The following ABHD17C variants were observed in gnomAD, a reference collection of about 807,000 sequenced individuals.
The protein encoded by ABHD17C is alpha/beta hydrolase domain-containing protein 17C.
In ABHD17C, 11 loss-of-function variants were observed where a neutral mutation model predicts 27.9. That is an observed-to-expected ratio of 0.39 (90% CI 0.25 to 0.65). The LOEUF is 0.65. Ranked by LOEUF, ABHD17C falls within the 30% of genes least tolerant of loss-of-function variation. The probability of loss-of-function intolerance (pLI) is 0.45; values close to 1 mark genes in which losing one functional copy is unlikely to be tolerated. For missense variants in ABHD17C, 280 were observed against 470.2 expected (o/e 0.60, Z 3.74); for synonymous variants, 233 against 209.1 (o/e 1.11, Z -0.98).
chr15:80,742,264 C>T (rs1042528235), intron 1 of ABHD17C, among the ~76,000 whole-genome samples: 4 of 152,100 alleles, frequency 2.6e-5, no homozygotes, highest in Non-Finnish European at 5.9e-5. Flanking sequence ...CATCCCAGTC[C>T]AAAGGCCTGA....
intron 2 of ABHD17C, among the ~76,000 whole-genome samples, chr15:80,751,270 G>C (rs1162916631): frequency 6.6e-6 from 1 of 152,010 alleles, no homozygotes; most frequent in Non-Finnish European, 1.5e-5. Context: ...TGAGGCATAA[G>C]AATTGCTTGA....
chr15:80,731,486 A>T (rs1403982473), intron 1 of ABHD17C, among the ~76,000 whole-genome samples: 1 of 152,202 alleles, frequency 6.6e-6, no homozygotes, highest in Non-Finnish European at 1.5e-5. Flanking sequence ...ATGTTTAAAT[A>T]AAAGAGTTCT....
intron 1 of ABHD17C, among the ~76,000 whole-genome samples, chr15:80,748,010 G>C (rs1415601428): frequency 6.6e-6 from 1 of 152,150 alleles, no homozygotes; most frequent in Non-Finnish European, 1.5e-5. Flanking sequence ...GTGCTTTCCT[G>C]CTGCTGCATT....
intron 1 of ABHD17C, among the ~76,000 whole-genome samples, chr15:80,705,679 T>G (rs1006899116): frequency 2.6e-5 from 4 of 152,170 alleles, no homozygotes; most frequent in Admixed American, 6.5e-5. Flanking sequence ...TGTGTATAGA[T>G]ACAAATACCC....
At chr15:80,731,884 G>T (rs1011723413) in intron 1 of ABHD17C, among the ~76,000 whole-genome samples, 4 of 152,108 alleles carry the variant, frequency 2.6e-5, no homozygotes, top group Non-Finnish European at 4.4e-5. Context: ...GAGACATAAA[G>T]GTTGCCATTT....
intron 1 of ABHD17C, among the ~76,000 whole-genome samples, chr15:80,698,658 C>T (rs1296264503): frequency 1.3e-5 from 2 of 152,258 alleles, no homozygotes; most frequent in Non-Finnish European, 2.9e-5. Context: ...CCACTTTCCT[C>T]TTGCTGTTCA....
rs1894483417 is a variant in ABHD17C, at chr15:80,695,624, C to T, written c.195C>T (p.Ala65=). The part of the protein sequence containing the change: ...SAPAPAQATA[A]AAAAQPAPQQ... ...CGGCCCCGGCCCAGGCTACCGCCGC[C>T]GCCGCCGCGGCCCAGCCGGCACCGC... Residue 65 remains alanine (A), a synonymous_variant, in exon 1 of 3, where the codon GCC becomes GCT. Transcript: ENST00000258884. This position sits in a 1 kb window ranked among gnomAD's most constrained non-coding sequence, Gnocchi z 4.3. The T allele has an allele frequency of 5.0e-6, 6 of 1,191,800 alleles. No individual in the cohort carries two copies. The highest frequency in any genetic ancestry group is 6.2e-6 in the Non-Finnish European group (6 of 964,842). 73.8% of individuals were successfully genotyped at this position (1,191,800 alleles called of 1,614,324 possible).
In ABHD17C at chr15:80,695,566, C is replaced by A; in HGVS notation, c.137C>A (p.Ala46Glu). Residue 46 changes from alanine to glutamate, a missense_variant, in exon 1 of 3, where the codon GCG becomes GAG. Ala to Glu is a moderately radical substitution (Grantham distance 107). Coordinates refer to ENST00000258884, the MANE Select transcript of ABHD17C (RefSeq NM_021214.2). The surrounding 1 kb of genome is among the most constrained non-coding windows in gnomAD (Gnocchi z 4.3). ...LPPEPTYTVL[A>E]PEQRGAGASA... is the part of the protein sequence containing the mutation. Reference sequence around the variant, plus strand: ...CCCGAGCCCACCTACACGGTGCTGGCGCCGGAGCAGCGCGGCGCCGGCGCG... The same window carrying A: ...CCCGAGCCCACCTACACGGTGCTGGAGCCGGAGCAGCGCGGCGCCGGCGCG... 1.6e-6 allele frequency: 2 copies of A among 1,230,040 alleles called. No individual in the cohort carries two copies. Among genetic ancestry groups the A allele is most frequent in the South Asian group, 1.7e-5 (1 of 58,194 alleles). 76.2% of individuals were successfully genotyped at this position (1,230,040 alleles called of 1,614,324 possible). A position where few individuals can be genotyped will look rare whatever the true frequency, so the allele number is the denominator to read the frequency against.
At chr15:80,704,132 G>T (rs1894610762) in intron 1 of ABHD17C, among the ~76,000 whole-genome samples, 1 of 152,114 alleles carries the variant, frequency 6.6e-6, no homozygotes, top group Non-Finnish European at 1.5e-5. Flanking sequence ...AAGATCTCTG[G>T]TGGCCAGGAA....
rs1726392612 is a variant in ABHD17C, at chr15:80,695,835, C to G, written c.406C>G (p.Leu136Val). Reference sequence around the variant, plus strand: ...CGCGCCCTCCAGCCGCTACACGCTGCTCTTCTCGCACGGCAACGCCGTGGA... The same window carrying G: ...CGCGCCCTCCAGCCGCTACACGCTGGTCTTCTCGCACGGCAACGCCGTGGA... The part of the protein sequence containing the change: ...RCAPSSRYTL[L>V]FSHGNAVDLG... Residue 136 changes from leucine (L) to valine (V), a missense_variant, in exon 1 of 3, where the codon CTC becomes GTC. Leu to Val is a conservative substitution (Grantham distance 32). Coordinates refer to ENST00000258884, the MANE Select transcript of ABHD17C (RefSeq NM_021214.2). The surrounding 1 kb of genome is among the most constrained non-coding windows in gnomAD (Gnocchi z 4.3). 1 of 1,588,614 alleles carries G rather than the reference C, an allele frequency of 6.3e-7. No individual in the cohort carries two copies. Among genetic ancestry groups the G allele is most frequent in the African/African-American group, 1.3e-5 (1 of 74,750 alleles).
intron 1 of ABHD17C, among the ~76,000 whole-genome samples, chr15:80,723,716 C>G (rs950246817): frequency 1.3e-5 from 2 of 152,126 alleles, no homozygotes; most frequent in African/African-American, 2.4e-5. Context: ...GTCACATTGC[C>G]ACAGGTTTCC....
intron 1 of ABHD17C, among the ~76,000 whole-genome samples, chr15:80,698,714 A>G (rs899607081): frequency 7.2e-5 from 11 of 152,058 alleles, no homozygotes; most frequent in Non-Finnish European, 4.4e-5. Flanking sequence ...TTCTTATGCT[A>G]TTCTCTCTTC....
chr15:80,728,042 T>A (rs1287477212), intron 1 of ABHD17C, among the ~76,000 whole-genome samples: 1 of 152,270 alleles, frequency 6.6e-6, no homozygotes, highest in Admixed American at 6.5e-5. Flanking sequence ...CTAAGAGCGT[T>A]GTGGTCTTGG....
intron 1 of ABHD17C, among the ~76,000 whole-genome samples, chr15:80,744,616 G>A (rs1895257958): frequency 6.6e-6 from 1 of 152,152 alleles, no homozygotes; most frequent in African/African-American, 2.4e-5. Context: ...TTTGAAAAAC[G>A]CTGGCAGTTC....
chr15:80,719,955 G>T (rs926319002), intron 1 of ABHD17C, among the ~76,000 whole-genome samples: 1 of 152,002 alleles, frequency 6.6e-6, no homozygotes, highest in South Asian at 2.1e-4. Context: ...ACACCACCAC[G>T]CCCAACCAAT....
rs749084236 is a variant in ABHD17C, at chr15:80,754,163, A to C, written c.783A>C (p.Ile261=). Residue 261 remains isoleucine (I), a synonymous_variant, in exon 3 of 3, where the codon ATA becomes ATC. Coordinates refer to ENST00000258884, the MANE Select transcript of ABHD17C (RefSeq NM_021214.2). ...CFDAFPSIDK[I]SKVTSPVLVI... is the part of the protein sequence containing the mutation. The stretch of plus-strand genomic sequence containing the variant: ...TTCTGTTTTGCAGCATTGACAAGAT[A>C]TCTAAAGTCACCTCTCCTGTGTTGG... 1 of 1,613,840 alleles carries C rather than the reference A, an allele frequency of 6.2e-7. No individual in the cohort carries two copies. The highest frequency in any genetic ancestry group is 1.3e-5 in the African/African-American group (1 of 75,020).
intron 1 of ABHD17C, among the ~76,000 whole-genome samples, chr15:80,732,065 G>C (rs888683158): frequency 1.3e-5 from 2 of 152,174 alleles, no homozygotes; most frequent in African/African-American, 4.8e-5. Flanking sequence ...GGCTGGTGCT[G>C]GGGACAGACT....
chr15:80,748,424 C>T (rs1255862332), intron 1 of ABHD17C, among the ~76,000 whole-genome samples: 1 of 152,136 alleles, frequency 6.6e-6, no homozygotes, highest in Non-Finnish European at 1.5e-5. Context: ...CATGTCCTTG[C>T]CGTCTTTCAA....
chr15:80,726,815 A>G (rs1408185904), intron 1 of ABHD17C, among the ~76,000 whole-genome samples: 1 of 152,140 alleles, frequency 6.6e-6, no homozygotes, highest in Non-Finnish European at 1.5e-5. Context: ...GTGAGCCGCC[A>G]CACCCAACCC....
Sources: gnomAD v4.1 joint callset for allele counts (sites outside exome capture counted in the v4.1 genomes callset) on GRCh38, gnomAD v4.1.1 for gene constraint, Gnocchi (gnomAD v3.1) non-coding constraint, MANE v1.5 for transcripts, NCBI Gene and HGNC (gene_info 2026-07-23, HGNC 2026-07-21) for gene names.